Variants in CHL1 observed in about 807,000 individuals in gnomAD.
CHL1 encodes the protein cell adhesion molecule L1 like, also known as neural cell adhesion molecule L1-like protein.
A neutral mutation model predicts 141.9 loss-of-function variants in CHL1; 96 were observed. The ratio of observed to expected loss-of-function variants is 0.68; its 90% CI spans 0.57 to 0.80. The LOEUF (loss-of-function observed/expected upper bound fraction) is 0.80. CHL1 is among the 30% of genes least tolerant of loss of function. The pLI, the probability that CHL1 is intolerant of heterozygous loss-of-function variation, is 0.00. For missense variants in CHL1, 1,820 were observed against 1,457.2 expected (o/e 1.25, Z -4.05); for synonymous variants, 613 against 502.2 (o/e 1.22, Z -2.95).
At chr3:299,447 G>A (rs1053348867) in intron 2 of CHL1, among the ~76,000 whole-genome samples, 1 of 152,114 alleles carries the variant, frequency 6.6e-6, no homozygotes, top group African/African-American at 2.4e-5. Context: ...CTAGGAAAAT[G>A]CTGGAAAATT....
At chr3:368,793 C>T (rs898619534) in intron 15 of CHL1, among the ~76,000 whole-genome samples, 1 of 151,900 alleles carries the variant, frequency 6.6e-6, no homozygotes, top group Non-Finnish European at 1.5e-5. Context: ...AAGGGGTTTA[C>T]TTTCAGTTGT....
chr3:252,174 A>G (rs1194870309), intron 2 of CHL1, among the ~76,000 whole-genome samples: 1 of 151,618 alleles, frequency 6.6e-6, no homozygotes, highest in African/African-American at 2.4e-5. Context: ...AAAAGGGAAA[A>G]CTATTTTTAA....
intron 15 of CHL1, among the ~76,000 whole-genome samples, chr3:373,396 G>C (rs77112401): frequency 6.6e-6 from 1 of 152,250 alleles, no homozygotes; most frequent in Non-Finnish European, 1.5e-5. Flanking sequence ...GCCTGAAGAG[G>C]CATTGATTCT....
chr3:210,891 G>A (rs1041092358), intron 1 of CHL1, among the ~76,000 whole-genome samples: 5 of 152,190 alleles, frequency 3.3e-5, no homozygotes, highest in African/African-American at 1.2e-4. Flanking sequence ...AGGCTGAAGT[G>A]CCCTGGTTTT....
At chr3:294,138 A>G (rs189918506) in intron 2 of CHL1, among the ~76,000 whole-genome samples, 6 of 151,854 alleles carry the variant, frequency 4.0e-5, no homozygotes, top group Non-Finnish European at 8.8e-5. Context: ...GGGCAACATG[A>G]CGAAACCCTG....
intron 1 of CHL1, among the ~76,000 whole-genome samples, chr3:225,495 G>C (rs527446819): frequency 6.6e-6 from 1 of 152,332 alleles, no homozygotes; most frequent in African/African-American, 2.4e-5. Flanking sequence ...TCAAGCACGA[G>C]AATAGTATGT....
intron 1 of CHL1, among the ~76,000 whole-genome samples, chr3:241,583 G>GT (rs111809765): frequency 0.5 from 73,792 of 148,988 alleles, 19,616 homozygotes; most frequent in Non-Finnish European, 0.61. Context: ...ACTTCTCTCT[G>GT]GTTTTTTTTT....
intron 2 of CHL1, among the ~76,000 whole-genome samples, chr3:273,402 C>A (rs1262200350): frequency 3.9e-5 from 6 of 152,128 alleles, no homozygotes; most frequent in Non-Finnish European, 5.9e-5. Flanking sequence ...TTTCCACAAG[C>A]TCTTAAGCTC....
intron 15 of CHL1, among the ~76,000 whole-genome samples, chr3:372,523 G>A (rs1705769369): frequency 6.6e-6 from 1 of 152,056 alleles, no homozygotes; most frequent in Non-Finnish European, 1.5e-5. Flanking sequence ...TTTTATCAAG[G>A]TTCTTAGCTT....
intron 2 of CHL1, among the ~76,000 whole-genome samples, chr3:312,196 G>T (rs1699806530): frequency 6.6e-6 from 1 of 152,060 alleles, no homozygotes; most frequent in South Asian, 2.1e-4. Flanking sequence ...AACTAAAGCT[G>T]ACATTTTCCC....
chr3:256,899 G>T (rs1694228339), intron 2 of CHL1, among the ~76,000 whole-genome samples: 1 of 152,186 alleles, frequency 6.6e-6, no homozygotes, highest in Non-Finnish European at 1.5e-5. Context: ...AAAGTGGGCT[G>T]CTTAGGAGCA....
At chr3:205,111 T>C (rs1575596323) in intron 1 of CHL1, among the ~76,000 whole-genome samples, 2 of 150,086 alleles carry the variant, frequency 1.3e-5, no homozygotes, top group African/African-American at 4.9e-5. Context: ...TTTCTTTTTT[T>C]TTTTTTTTGG....
chr3:346,198 T>A (rs754124039), intron 9 of CHL1, among the ~76,000 whole-genome samples: 2 of 152,220 alleles, frequency 1.3e-5, no homozygotes, highest in Non-Finnish European at 2.9e-5. Context: ...TAAGTTTCTC[T>A]TTCCAACCAC....
At chr3:314,311 C>CTCTT (rs1553562698) in intron 2 of CHL1, among the ~76,000 whole-genome samples, 2 of 112,238 alleles carry the variant, frequency 1.8e-5, no homozygotes, top group African/African-American at 7.4e-5. Context: ...CTCTCTCTTT[C>CTCTT]TCTCTCTCTC....
intron 16 of CHL1, 25 bp downstream of exon 16, chr3:377,967 T>A (rs753255244): frequency 3.8e-6 from 6 of 1,572,044 alleles, no homozygotes; most frequent in Non-Finnish European, 5.2e-6. Flanking sequence ...TAATGAGAAA[T>A]CTGTTCATTT....
chr3:351,828 A>G (rs1703291522), intron 10 of CHL1, among the ~76,000 whole-genome samples: 1 of 152,168 alleles, frequency 6.6e-6, no homozygotes, highest in African/African-American at 2.4e-5. Flanking sequence ...TATAATATGT[A>G]TGAGCAAAAG....
At chr3:325,518 T>G (rs1243975099) in intron 3 of CHL1, among the ~76,000 whole-genome samples, 2 of 151,892 alleles carry the variant, frequency 1.3e-5, no homozygotes, top group Non-Finnish European at 2.9e-5. Context: ...AGCATATCAG[T>G]GGGAAGAAAT....
chr3:404,205 CAT>C (rs1205254145), intron 27 of CHL1, among the ~76,000 whole-genome samples: 1 of 152,112 alleles, frequency 6.6e-6, no homozygotes, highest in East Asian at 1.9e-4. Context: ...GGAAGAGACA[CAT>C]GTCACCTTTG....
intron 20 of CHL1, 67 bp downstream of exon 20, chr3:389,541 A>G: frequency 8.1e-7 from 1 of 1,234,694 alleles, no homozygotes; most frequent in Non-Finnish European, 1.2e-6. Flanking sequence ...TTGTACTTCA[A>G]TCAACAAATA....
Sources: gnomAD v4.1 joint callset for allele counts (sites outside exome capture counted in the v4.1 genomes callset) on GRCh38, gnomAD v4.1.1 for gene constraint, MANE v1.5 for transcripts, NCBI Gene and HGNC (gene_info 2026-07-23, HGNC 2026-07-21) for gene names.